PEBP4: variants seen among roughly 807,000 people sequenced by gnomAD.
PEBP4 encodes the protein phosphatidylethanolamine-binding protein 4.
In PEBP4, 22 loss-of-function variants were observed where a neutral mutation model predicts 23.9. The observed-to-expected ratio is 0.92, with a 90% CI of 0.66 to 1.31. The LOEUF (loss-of-function observed/expected upper bound fraction) is 1.31, where lower values mean the gene tolerates loss of function less well. Ranked by LOEUF, PEBP4 falls within the 40% of genes most tolerant of loss-of-function variation. The pLI, the probability that PEBP4 is intolerant of heterozygous loss-of-function variation, is 0.00. For missense variants in PEBP4, 324 were observed against 281.7 expected, an observed-to-expected ratio of 1.15 and a Z score of -1.07; for synonymous variants, 112 against 99.3, an observed-to-expected ratio of 1.13 and a Z score of -0.76.
chr8:22,768,099 G>C (rs1805645419), intron 4 of PEBP4, among the ~76,000 whole-genome samples: 1 of 152,150 alleles, frequency 6.6e-6, no homozygotes, highest in Non-Finnish European at 1.5e-5. Flanking sequence ...GTTTTCCTAT[G>C]GTGCCTGTTG....
At chr8:22,791,862 T>C (rs1368733634) in intron 4 of PEBP4, among the ~76,000 whole-genome samples, 1 of 122,982 alleles carries the variant, frequency 8.1e-6, no homozygotes, top group Non-Finnish European at 1.7e-5. Flanking sequence ...AGCACTGGAT[T>C]CTTTTTTTTT....
chr8:22,805,127 G>A (rs1428272035), intron 4 of PEBP4, among the ~76,000 whole-genome samples: 1 of 152,206 alleles, frequency 6.6e-6, no homozygotes, highest in Non-Finnish European at 1.5e-5. Context: ...TTAACAGTAA[G>A]GATGTGATTG....
At chr8:22,737,219 G>A (rs769837575) in intron 4 of PEBP4, among the ~76,000 whole-genome samples, 2 of 150,750 alleles carry the variant, frequency 1.3e-5, no homozygotes, top group South Asian at 2.1e-4. Flanking sequence ...GCTTGAACCC[G>A]GAAGCCAGAG....
chr8:22,907,544 A>C (rs1024715277), intron 3 of PEBP4, among the ~76,000 whole-genome samples: 2 of 152,036 alleles, frequency 1.3e-5, no homozygotes, highest in African/African-American at 2.4e-5. Context: ...AAAGAGAGAG[A>C]GAGAGAAAGG....
intron 3 of PEBP4, among the ~76,000 whole-genome samples, chr8:22,846,258 G>A (rs1202726259): frequency 6.6e-6 from 1 of 152,176 alleles, no homozygotes; most frequent in Non-Finnish European, 1.5e-5. Context: ...AACAGCCTGG[G>A]GAGTCCCGGG....
rs538915784 is a variant in PEBP4, at chr8:22,792,779, CAG to C, written c.357+24856_357+24857del. On this transcript the variant is annotated intron_variant, in intron 4 of 6. Transcript: ENST00000256404. ...CAGCAAGCTAATCTGTAATTGCAAGCAGAGAGCCAGGTATATGTCAGAGGTGT... is the reference window on the plus strand; with the variant it reads ...CAGCAAGCTAATCTGTAATTGCAAGCAGAGCCAGGTATATGTCAGAGGTGT... 3.4e-3 allele frequency among the ~76,000 whole-genome samples: 518 copies of C among 151,910 alleles called. 3 individuals are homozygous for C. The highest frequency in any genetic ancestry group is 0.012 in the African/African-American group (494 of 41,360).
chr8:22,879,319 T>G (rs1489781647), intron 3 of PEBP4: 1 of 152,222 alleles, frequency 6.6e-6, no homozygotes, highest in African/African-American at 2.4e-5. Flanking sequence ...GTGGGAACTA[T>G]ATCTTAGTCA....
At chr8:22,769,290 A>G (rs999435042) in intron 4 of PEBP4, among the ~76,000 whole-genome samples, 9 of 152,172 alleles carry the variant, frequency 5.9e-5, no homozygotes, top group Non-Finnish European at 1.2e-4. Flanking sequence ...CCAAGTTTAC[A>G]GGCCAGGAGG....
Position 22,790,459 on chromosome 8 carries a change from G to A in PEBP4, c.357+27178C>T, listed in dbSNP as rs944975008. Reference sequence around the variant, plus strand: ...GATTTGAACCGTGCCTTGGCATACCGGTGGGGGAAGAGGGGCACGGAAGAG... The same window carrying A: ...GATTTGAACCGTGCCTTGGCATACCAGTGGGGGAAGAGGGGCACGGAAGAG... On this transcript the variant is annotated intron_variant, in intron 4 of 6. Transcript: ENST00000256404. Among the ~76,000 whole-genome samples, 5 of 152,188 alleles carry A rather than the reference G, an allele frequency of 3.3e-5. No homozygotes were observed. In the South Asian group the frequency reaches 6.2e-4, roughly 19 times the overall value.
chr8:22,804,517 C>T (rs747791482), intron 4 of PEBP4, among the ~76,000 whole-genome samples: 1 of 150,748 alleles, frequency 6.6e-6, no homozygotes, highest in African/African-American at 2.4e-5. Context: ...CGAGATCCAC[C>T]CTCTTTACAG....
At chr8:22,723,998 C>A (rs1444903630) in intron 6 of PEBP4, among the ~76,000 whole-genome samples, 1 of 152,254 alleles carries the variant, frequency 6.6e-6, no homozygotes, top group East Asian at 1.9e-4. Context: ...CTCCCACTTG[C>A]CTTCCTGCCA....
chr8:22,773,921 G>A (rs188770352), intron 4 of PEBP4, among the ~76,000 whole-genome samples: 3 of 152,262 alleles, frequency 2.0e-5, no homozygotes, highest in Admixed American at 6.5e-5. Context: ...GGTGAACTCC[G>A]TGCAGTCCCC....
chr8:22,799,212 A>G (rs1036494102), intron 4 of PEBP4, among the ~76,000 whole-genome samples: 5 of 151,972 alleles, frequency 3.3e-5, no homozygotes, highest in African/African-American at 9.7e-5. Flanking sequence ...TCCCTTCCAC[A>G]TCTCTCACTT....
At chr8:22,750,021 G>T (rs999688346) in intron 4 of PEBP4, among the ~76,000 whole-genome samples, 18 of 151,950 alleles carry the variant, frequency 1.2e-4, no homozygotes, top group Non-Finnish European at 1.6e-4. Context: ...GGTCAGGTTG[G>T]TCTCGAACTC....
intron 3 of PEBP4, among the ~76,000 whole-genome samples, chr8:22,869,541 C>G (rs144115961): frequency 6.6e-6 from 1 of 152,316 alleles, no homozygotes; most frequent in East Asian, 1.9e-4. Context: ...CCCATAGCTG[C>G]TCTTGTTTTG....
intron 4 of PEBP4, among the ~76,000 whole-genome samples, chr8:22,758,451 G>A (rs1805436803): frequency 6.6e-6 from 1 of 152,176 alleles, no homozygotes; most frequent in Non-Finnish European, 1.5e-5. Flanking sequence ...ACCTTTCTCA[G>A]CTCACAGGCC....
intron 4 of PEBP4, among the ~76,000 whole-genome samples, chr8:22,784,757 G>A (rs2128755808): frequency 6.6e-6 from 1 of 152,322 alleles, no homozygotes; most frequent in Admixed American, 6.5e-5. Flanking sequence ...AATCCAATCT[G>A]CATAAAGCAG....
At chr8:22,823,687 A>T (rs1806907707) in intron 3 of PEBP4, among the ~76,000 whole-genome samples, 1 of 152,082 alleles carries the variant, frequency 6.6e-6, no homozygotes, top group Non-Finnish European at 1.5e-5. Flanking sequence ...TATATGGCAA[A>T]AAAAGTCCAA....
intron 3 of PEBP4, 28 bp downstream of exon 3, chr8:22,920,156 C>T (rs1183598125): frequency 1.3e-6 from 2 of 1,594,044 alleles, no homozygotes; most frequent in African/African-American, 2.7e-5. Flanking sequence ...AACTGTCCCC[C>T]CGCTTTAACA....
Sources: gnomAD v4.1 joint callset for allele counts (sites outside exome capture counted in the v4.1 genomes callset) on GRCh38, gnomAD v4.1.1 for gene constraint, MANE v1.5 for transcripts, NCBI Gene and HGNC (gene_info 2026-07-23, HGNC 2026-07-21) for gene names.